PTPRK: variants seen among roughly 807,000 people sequenced by gnomAD.
PTPRK encodes the protein protein tyrosine phosphatase receptor type K.
Under a neutral mutation model 178.0 loss-of-function variants are expected in PTPRK, and 75 were observed. The observed-to-expected ratio is 0.42, with a 90% CI of 0.35 to 0.51. The LOEUF (loss-of-function observed/expected upper bound fraction) is 0.51, where lower values mean the gene tolerates loss of function less well. Ranked by LOEUF, PTPRK falls within the 20% of genes least tolerant of loss-of-function variation. The probability of loss-of-function intolerance (pLI) is 0.02; values close to 1 mark genes in which losing one functional copy is unlikely to be tolerated. For synonymous variants in PTPRK, 637 were observed against 620.6 expected (o/e 1.03, Z -0.39); for missense variants, 1,441 against 1,797.8 (o/e 0.80, Z 3.59).
At chr6:128,419,361 C>T (rs893318987) in intron 1 of PTPRK, among the ~76,000 whole-genome samples, 7 of 152,048 alleles carry the variant, frequency 4.6e-5, no homozygotes, top group African/African-American at 1.7e-4. Context: ...GCCTGTAATC[C>T]CAGCACTTTG....
intron 1 of PTPRK, among the ~76,000 whole-genome samples, chr6:128,425,102 G>A (rs1337871920): frequency 2.1e-5 from 3 of 141,064 alleles, no homozygotes; most frequent in Admixed American, 1.4e-4. Flanking sequence ...TTTTTGAGAC[G>A]GAGTCTCGCT....
chr6:128,157,885 T>C (rs1220950722), intron 7 of PTPRK, among the ~76,000 whole-genome samples: 1 of 152,072 alleles, frequency 6.6e-6, no homozygotes, highest in African/African-American at 2.4e-5. Flanking sequence ...ATTCTGTGGG[T>C]TGCCTGTTCA....
At chr6:128,200,322 C>A (rs1014385528) in intron 6 of PTPRK, among the ~76,000 whole-genome samples, 4 of 152,082 alleles carry the variant, frequency 2.6e-5, no homozygotes, top group African/African-American at 9.7e-5. Context: ...GCAAATGAGT[C>A]ATTTAAAAGG....
intron 6 of PTPRK, among the ~76,000 whole-genome samples, chr6:128,195,043 T>C (rs1804622918): frequency 6.6e-6 from 1 of 150,698 alleles, no homozygotes; most frequent in South Asian, 2.1e-4. Context: ...CACATACACA[T>C]ATGTAAATAT....
chr6:128,375,847 C>G (rs1377549576), intron 2 of PTPRK, among the ~76,000 whole-genome samples: 1 of 152,148 alleles, frequency 6.6e-6, no homozygotes, highest in Non-Finnish European at 1.5e-5. Context: ...GACTACAGGA[C>G]CCATGAAAGT....
chr6:128,441,445 T>C (rs549800250), intron 1 of PTPRK, among the ~76,000 whole-genome samples: 156 of 151,386 alleles, frequency 1.0e-3, no homozygotes, highest in Admixed American at 2.2e-3. Flanking sequence ...TGCTCTTTTA[T>C]TAATCAAAAA....
intron 2 of PTPRK, among the ~76,000 whole-genome samples, chr6:128,326,753 T>C (rs895327623): frequency 6.6e-6 from 1 of 152,146 alleles, no homozygotes; most frequent in Non-Finnish European, 1.5e-5. Context: ...TGGGCTGTAA[T>C]TGTCTTCTAG....
chr6:128,252,213 A>C (rs572089605), intron 3 of PTPRK, among the ~76,000 whole-genome samples: 1 of 152,330 alleles, frequency 6.6e-6, no homozygotes, highest in South Asian at 2.1e-4. Context: ...CTATGTTTCA[A>C]ATTAGCCCAG....
chr6:128,292,099 A>C (rs1823478812), intron 3 of PTPRK, among the ~76,000 whole-genome samples: 1 of 152,140 alleles, frequency 6.6e-6, no homozygotes, highest in Admixed American at 6.6e-5. Flanking sequence ...AATTAAATAA[A>C]TCCGTAGGTA....
At chr6:128,230,131 A>T (rs2128278571) in intron 5 of PTPRK, among the ~76,000 whole-genome samples, 1 of 152,344 alleles carries the variant, frequency 6.6e-6, no homozygotes, top group South Asian at 2.1e-4. Context: ...CAAAGGATCA[A>T]ACTTGACCCT....
At chr6:128,462,439 A>G (rs923703824) in intron 1 of PTPRK, among the ~76,000 whole-genome samples, 12 of 152,018 alleles carry the variant, frequency 7.9e-5, no homozygotes, top group Admixed American at 5.9e-4. Context: ...TGTTCTTATC[A>G]TACCCGTGAT....
chr6:128,375,114 C>G (rs1836868132), intron 2 of PTPRK, among the ~76,000 whole-genome samples: 1 of 132,774 alleles, frequency 7.5e-6, no homozygotes, highest in Non-Finnish European at 1.6e-5. Context: ...ATCCTTTTCC[C>G]CATCAAGGTA....
intron 25 of PTPRK, 34 bp downstream of exon 25, chr6:127,981,082 A>T (rs768564466): frequency 3.1e-6 from 5 of 1,588,280 alleles, no homozygotes; most frequent in South Asian, 2.2e-5. Context: ...GCTTTCCACA[A>T]CACTCTACAC....
intron 21 of PTPRK, 38 bp downstream of exon 21, chr6:127,990,731 T>C (rs1280655462): frequency 1.5e-6 from 2 of 1,369,722 alleles, no homozygotes; most frequent in East Asian, 2.3e-5. Flanking sequence ...AAAGCAGTTT[T>C]GATATCACTT....
chr6:128,425,016 G>A lies in PTPRK; in HGVS notation c.101-27328C>T, dbSNP rs191337764. ...GATTACATGAATAAGTTCTTTAGCG[G>A]TGATTTTTGAGATTTTGGTGCAGCC... On this transcript the variant is annotated intron_variant, in intron 1 of 29. Coordinates refer to ENST00000368226, the MANE Select transcript of PTPRK (RefSeq NM_002844.4). Among the ~76,000 whole-genome samples, 5 of 150,912 alleles carry A rather than the reference G, an allele frequency of 3.3e-5. No individual in the cohort carries two copies. In the East Asian group the frequency reaches 9.7e-4, roughly 29 times the overall value.
intron 2 of PTPRK, among the ~76,000 whole-genome samples, chr6:128,322,853 C>CAA (rs1829017025): frequency 6.6e-6 from 1 of 151,950 alleles, no homozygotes; most frequent in Non-Finnish European, 1.5e-5. Flanking sequence ...GTTATGTGAT[C>CAA]ATTTGTAACA....
chr6:128,384,334 A>AAGT (rs1324646345), intron 2 of PTPRK, among the ~76,000 whole-genome samples: 1 of 152,198 alleles, frequency 6.6e-6, no homozygotes, highest in Admixed American at 6.5e-5. Flanking sequence ...TTCTCAACAT[A>AAGT]TAACTTAATA....
intron 13 of PTPRK, among the ~76,000 whole-genome samples, chr6:128,045,324 T>A (rs1292691108): frequency 6.6e-6 from 1 of 151,944 alleles, no homozygotes. Context: ...TTTCCTCTAT[T>A]TACAGTAATG....
intron 11 of PTPRK, among the ~76,000 whole-genome samples, chr6:128,077,998 A>G (rs573290338): frequency 4.6e-5 from 7 of 152,154 alleles, no homozygotes; most frequent in Non-Finnish European, 8.8e-5. Flanking sequence ...CTTTTATTTC[A>G]TCAAAGCTTC....
Sources: gnomAD v4.1 joint callset for allele counts (sites outside exome capture counted in the v4.1 genomes callset) on GRCh38, gnomAD v4.1.1 for gene constraint, MANE v1.5 for transcripts, NCBI Gene and HGNC (gene_info 2026-07-23, HGNC 2026-07-21) for gene names.